The following GRIK1 variants were observed in gnomAD, a reference collection of about 807,000 sequenced individuals.
The protein encoded by GRIK1 is glutamate receptor ionotropic, kainate 1.
A neutral mutation model predicts 105.7 loss-of-function variants in GRIK1; 69 were observed. That is an observed-to-expected ratio of 0.65 (90% CI 0.54 to 0.80). GRIK1 has a LOEUF of 0.80. Among genes scored for constraint, GRIK1 ranks in the 30% least tolerant of loss-of-function variants. The probability of loss-of-function intolerance (pLI) is 0.00; values close to 1 mark genes in which losing one functional copy is unlikely to be tolerated. For missense variants in GRIK1, 1,109 were observed against 1,167.3 expected, an observed-to-expected ratio of 0.95 and a Z score of 0.73; for synonymous variants, 438 against 431.3, an observed-to-expected ratio of 1.02 and a Z score of -0.19.
intron 12 of GRIK1, among the ~76,000 whole-genome samples, chr21:29,582,993 A>C (rs2091054519): frequency 6.6e-6 from 1 of 152,090 alleles, no homozygotes; most frequent in Non-Finnish European, 1.5e-5. Context: ...TGAGCAGACA[A>C]TTCCTCCTCA....
intron 1 of GRIK1, among the ~76,000 whole-genome samples, chr21:29,861,155 A>G (rs983903730): frequency 3.3e-5 from 5 of 152,116 alleles, no homozygotes; most frequent in Non-Finnish European, 7.4e-5. Context: ...CCGGTTGTCT[A>G]TTTCTTTTAT....
At chr21:29,615,562 G>A (rs992707186) in intron 7 of GRIK1, among the ~76,000 whole-genome samples, 1 of 152,114 alleles carries the variant, frequency 6.6e-6, no homozygotes, top group Non-Finnish European at 1.5e-5. Context: ...ACCTGCTTTG[G>A]CCTCCCAAAG....
chr21:29,828,011 C>CTCTCTCTGTCTCTGTG (rs1218773356), intron 1 of GRIK1, among the ~76,000 whole-genome samples: 31 of 76,508 alleles, frequency 4.1e-4, no homozygotes, highest in Admixed American at 8.6e-4. Flanking sequence ...CTGTCTCTCT[C>CTCTCTCTGTCTCTGTG]TGTGTGTGTG....
chr21:29,549,868 G>A (rs775606400), intron 16 of GRIK1, among the ~76,000 whole-genome samples: 2 of 151,636 alleles, frequency 1.3e-5, no homozygotes, highest in African/African-American at 2.4e-5. Context: ...GCACTTTGGG[G>A]GGCCGAGGCG....
intron 7 of GRIK1, among the ~76,000 whole-genome samples, chr21:29,606,354 G>T (rs2061616144): frequency 6.6e-6 from 1 of 152,022 alleles, no homozygotes; most frequent in South Asian, 2.1e-4. Context: ...GTAAACGTGT[G>T]GTGGTTTGCC....
At position 29,703,873 on chromosome 21, in the gene GRIK1, A is replaced by T. The variant is rs1003731789; in HGVS notation, c.119-9810T>A. Among the ~76,000 whole-genome samples, 8 of 152,334 alleles carry T rather than the reference A, an allele frequency of 5.3e-5. No individual in the cohort carries two copies. The East Asian group carries it at 1.5e-3, about 29-fold the overall frequency. ...GGGGTTTGATGTCACCGTTGAGACA[A>T]TAACCACATCCAGACTCACTCTTTG... is the stretch of plus-strand genomic sequence containing the variant. On this transcript the variant is annotated intron_variant, in intron 1 of 17. Transcript: ENST00000327783.
At chr21:29,601,199 A>G (rs1450110815) in intron 7 of GRIK1, 3 of 506,522 alleles carry the variant, frequency 5.9e-6, no homozygotes, top group Admixed American at 5.8e-5. Context: ...AGGCAGAGGA[A>G]GAGAGCATTT....
chr21:29,696,788 C>A (rs1295132752), intron 1 of GRIK1, among the ~76,000 whole-genome samples: 1 of 152,176 alleles, frequency 6.6e-6, no homozygotes, highest in African/African-American at 2.4e-5. Flanking sequence ...CAATCACTGG[C>A]ATGGATGTGA....
At chr21:29,711,244 T>C (rs77299625) in intron 1 of GRIK1, among the ~76,000 whole-genome samples, 1 of 152,164 alleles carries the variant, frequency 6.6e-6, no homozygotes, top group South Asian at 2.1e-4. Context: ...AGGATTATAA[T>C]GCCATATTTT....
chr21:29,626,071 T>C (rs1209481369), intron 7 of GRIK1, among the ~76,000 whole-genome samples: 5 of 152,208 alleles, frequency 3.3e-5, no homozygotes, highest in African/African-American at 1.2e-4. Flanking sequence ...TTTGTATTGC[T>C]GTAACAAAAT....
chr21:29,714,333 C>T (rs538749932), intron 1 of GRIK1, among the ~76,000 whole-genome samples: 48 of 151,976 alleles, frequency 3.2e-4, no homozygotes, highest in Non-Finnish European at 5.3e-4. Flanking sequence ...TATAATAAAA[C>T]TAAAAAAGTG....
intron 7 of GRIK1, among the ~76,000 whole-genome samples, chr21:29,605,450 T>C (rs892373861): frequency 8.5e-5 from 13 of 152,302 alleles, no homozygotes; most frequent in African/African-American, 2.6e-4. Flanking sequence ...CCACATTTTC[T>C]TTTTTCAGTC....
At chr21:29,789,187 A>G (rs2145812459) in intron 1 of GRIK1, among the ~76,000 whole-genome samples, 1 of 152,324 alleles carries the variant, frequency 6.6e-6, no homozygotes. Flanking sequence ...ACCCTTCCCC[A>G]TATGACTTAG....
chr21:29,667,007 C>T (rs2063071697), intron 4 of GRIK1, among the ~76,000 whole-genome samples: 1 of 152,188 alleles, frequency 6.6e-6, no homozygotes, highest in African/African-American at 2.4e-5. Context: ...AATTAAATGA[C>T]TGATGCATTT....
intron 1 of GRIK1, among the ~76,000 whole-genome samples, chr21:29,783,972 C>A (rs1356388462): frequency 6.6e-6 from 1 of 152,122 alleles, no homozygotes; most frequent in African/African-American, 2.4e-5. Context: ...GCTCTGTCGC[C>A]CAGGCTGGAG....
chr21:29,631,676 T>A (rs1177343427), intron 7 of GRIK1, among the ~76,000 whole-genome samples: 1 of 152,178 alleles, frequency 6.6e-6, no homozygotes, highest in Non-Finnish European at 1.5e-5. Context: ...AAAGACACAG[T>A]GGATTAAAAA....
intron 1 of GRIK1, among the ~76,000 whole-genome samples, chr21:29,893,473 TG>T (rs2069984191): frequency 6.6e-6 from 1 of 152,230 alleles, no homozygotes; most frequent in African/African-American, 2.4e-5. Flanking sequence ...TTGGAAAAGC[TG>T]CCTAATCCCT....
intron 16 of GRIK1, among the ~76,000 whole-genome samples, chr21:29,546,647 T>C (rs984893088): frequency 6.6e-6 from 1 of 152,240 alleles, no homozygotes; most frequent in Non-Finnish European, 1.5e-5. Context: ...TAGTAAAATA[T>C]CATTATCTCT....
chr21:29,837,716 A>G lies in GRIK1; in HGVS notation c.118+101667T>C, dbSNP rs959422192. On this transcript the variant is annotated intron_variant, in intron 1 of 17. Transcript: ENST00000327783. ...ATACATTTGTTTATAAATATATCAA[A>G]CTTAAAGCAGACCCACTGTGATCAT... Among the ~76,000 whole-genome samples the G allele has an allele frequency of 3.3e-5, 5 of 152,310 alleles. No homozygotes were observed. The South Asian group carries it at 1.0e-3, about 32-fold the overall frequency.
Sources: allele counts gnomAD v4.1 joint callset (sites outside exome capture counted in the v4.1 genomes callset), GRCh38; gene constraint gnomAD v4.1.1; transcripts MANE v1.5; gene names NCBI Gene and HGNC (gene_info 2026-07-23, HGNC 2026-07-21).